CUL4A: variants seen among roughly 807,000 people sequenced by gnomAD.
The protein encoded by CUL4A is cullin-4A.
In CUL4A, 16 loss-of-function variants were observed where a neutral mutation model predicts 95.5. The observed-to-expected ratio is 0.17, with a 90% CI of 0.11 to 0.25. The LOEUF (loss-of-function observed/expected upper bound fraction) is 0.25. Ranked by LOEUF, CUL4A falls within the 10% of genes least tolerant of loss-of-function variation. The probability of loss-of-function intolerance (pLI) is 1.00; values close to 1 mark genes in which losing one functional copy is unlikely to be tolerated. For synonymous variants in CUL4A, 380 were observed against 353.1 expected (o/e 1.08, Z -0.85); for missense variants, 610 against 937.0 (o/e 0.65, Z 4.56).
At chr13:113,228,709 T>C (rs1305450766) in intron 4 of CUL4A, among the ~76,000 whole-genome samples, 1 of 151,758 alleles carries the variant, frequency 6.6e-6, no homozygotes, top group Non-Finnish European at 1.5e-5. Context: ...CTCACTCTGC[T>C]CGCAACGCAG....
At chr13:113,258,836 G>T (rs1415200388) in intron 18 of CUL4A, among the ~76,000 whole-genome samples, 1 of 152,154 alleles carries the variant, frequency 6.6e-6, no homozygotes, top group African/African-American at 2.4e-5. Context: ...CTGAAAGAAG[G>T]CCTCTGGCTG....
At chr13:113,244,714 G>T (rs573295272) in intron 12 of CUL4A, among the ~76,000 whole-genome samples, 200 bp downstream of exon 12, 1 of 152,198 alleles carries the variant, frequency 6.6e-6, no homozygotes, top group East Asian at 1.9e-4. Context: ...GGTGGCAGGC[G>T]CCTGTAGTCC....
rs747031396 is a variant in CUL4A, at chr13:113,239,563, G to A, written c.1035+12G>A. On this transcript the variant is annotated intron_variant, in intron 10 of 19. Coordinates refer to ENST00000375440, the MANE Select transcript of CUL4A (RefSeq NM_001008895.4). Reference sequence around the variant, plus strand: ...GCGAGTACATCAAGGTACTGGCGGGGTTTTGAGGCCGCGGGCGTGGGCATT... The same window carrying A: ...GCGAGTACATCAAGGTACTGGCGGGATTTTGAGGCCGCGGGCGTGGGCATT... 11 of 1,596,280 alleles carry A rather than the reference G, an allele frequency of 6.9e-6. No homozygotes were observed. Among genetic ancestry groups the A allele is most frequent in the Non-Finnish European group, 2.6e-6 (3 of 1,168,032 alleles).
intron 2 of CUL4A, among the ~76,000 whole-genome samples, chr13:113,211,585 A>T (rs1415347102): frequency 6.6e-6 from 1 of 152,070 alleles, no homozygotes; most frequent in African/African-American, 2.4e-5. Context: ...GGGTTTCGCC[A>T]TGTTGGGCAG....
chr13:113,235,037 A>G, intron 7 of CUL4A, 26 bp from the exon 8 acceptor site: 1 of 1,478,436 alleles, frequency 6.8e-7, no homozygotes, highest in Non-Finnish European at 9.4e-7. Flanking sequence ...TTTGTTACTG[A>G]TACATTTAAT....
chr13:113,233,892 C>T lies in CUL4A; in HGVS notation c.676-5C>T, dbSNP rs753888995. On this transcript the variant is annotated splice_region_variant and splice_polypyrimidine_tract_variant and intron_variant, in intron 6 of 19. Coordinates refer to ENST00000375440, the MANE Select transcript of CUL4A (RefSeq NM_001008895.4). Reference sequence around the variant, plus strand: ...AATTGGTCAGTAACTCTGCTTGTTTCTTAGGTGTATAAAGATTCATTTGAA... The same window carrying T: ...AATTGGTCAGTAACTCTGCTTGTTTTTTAGGTGTATAAAGATTCATTTGAA... 6.6e-7 allele frequency: 1 copy of T among 1,508,690 alleles called. No individual in the cohort carries two copies. The highest frequency in any genetic ancestry group is 2.3e-5 in the East Asian group (1 of 44,248). The allele number at this position is 1,508,690 out of a possible 1,614,324, so 93.5% of individuals were successfully genotyped here.
In CUL4A at chr13:113,233,239, C is replaced by G; in HGVS notation, c.575C>G (p.Thr192Ser). 1 of 1,614,062 alleles carries G rather than the reference C, an allele frequency of 6.2e-7. No individual in the cohort carries two copies. The change falls in exon 6 of 20, where the codon ACC becomes AGC. Residue 192 changes from threonine (T) to serine (S), a missense_variant. Thr to Ser is a moderately conservative substitution (Grantham distance 58). Coordinates refer to ENST00000375440, the MANE Select transcript of CUL4A (RefSeq NM_001008895.4). The part of the protein sequence containing the change: ...IISDKMVQSK[T>S]IDGILLLIER... ...AGTGATAAAATGGTTCAGAGTAAAACCATTGATGGAATCCTACTGCTGATC... is the reference window on the plus strand; with the variant it reads ...AGTGATAAAATGGTTCAGAGTAAAAGCATTGATGGAATCCTACTGCTGATC...
chr13:113,266,892 T>C lies in CUL4A; in HGVS notation c.*3310T>C, dbSNP rs2042404816. On this transcript the variant is annotated 3_prime_UTR_variant, in exon 20 of 20. Coordinates refer to ENST00000375440, the MANE Select transcript of CUL4A (RefSeq NM_001008895.4). ...TGTAAATTGACTATTATTGTATAAA[T>C]TTATAGAGTATAAAGTGATCTTATA... 6.6e-6 allele frequency: 1 copy of C among 152,210 alleles called. No individual in the cohort carries two copies. Among genetic ancestry groups the C allele is most frequent in the Non-Finnish European group, 1.5e-5 (1 of 68,046 alleles). 9.4% of individuals were successfully genotyped at this position (152,210 alleles called of 1,614,324 possible). A position where few individuals can be genotyped will look rare whatever the true frequency, so the allele number is the denominator to read the frequency against.
In CUL4A at chr13:113,243,048, G is replaced by A. The variant is rs1431667438; in HGVS notation, c.1116G>A (p.Val372=). 8 of 1,614,038 alleles carry A rather than the reference G, an allele frequency of 5.0e-6. No homozygotes were observed. Among genetic ancestry groups the A allele is most frequent in the Non-Finnish European group, 5.1e-6 (6 of 1,179,904 alleles). The change falls in exon 11 of 20, where the codon GTG becomes GTA. Residue 372 remains valine (V), a synonymous_variant. Transcript: ENST00000375440. ...ACCTGTTGGACTTCAAGGACAAGGT[G>A]GACCACGTGATCGAGGTCTGCTTCC... ...VQDLLDFKDK[V]DHVIEVCFQK...
At chr13:113,253,435 A>G (rs973100658) in intron 16 of CUL4A, among the ~76,000 whole-genome samples, 3 of 152,234 alleles carry the variant, frequency 2.0e-5, no homozygotes, top group African/African-American at 7.2e-5. Flanking sequence ...GTGAAGAGGC[A>G]ACTCATAAAA....
chr13:113,213,560 ACTC>A (rs1258166646), intron 2 of CUL4A, among the ~76,000 whole-genome samples: 1 of 151,718 alleles, frequency 6.6e-6, no homozygotes, highest in Non-Finnish European at 1.5e-5. Context: ...GCTTCTTACT[ACTC>A]TTTTCCTGGA....
At chr13:113,214,698 G>A (rs1329669252) in intron 2 of CUL4A, among the ~76,000 whole-genome samples, 2 of 152,132 alleles carry the variant, frequency 1.3e-5, no homozygotes, top group East Asian at 1.9e-4. Context: ...CTTGAGTCAC[G>A]GAGTAGTTGT....
intron 2 of CUL4A, among the ~76,000 whole-genome samples, chr13:113,212,868 CT>C (rs2040502500): frequency 6.6e-6 from 1 of 152,202 alleles, no homozygotes. Context: ...ACTGAATTGC[CT>C]TTGCTCCTTT....
chr13:113,233,736 G>A (rs112004391), intron 6 of CUL4A, among the ~76,000 whole-genome samples, 161 bp from the exon 7 acceptor site: 6 of 152,308 alleles, frequency 3.9e-5, no homozygotes, highest in South Asian at 2.1e-4. Flanking sequence ...GGGCCTGCCC[G>A]GCCGTTTTGG....
chr13:113,240,604 A>T (rs1489025841), intron 10 of CUL4A, among the ~76,000 whole-genome samples: 1 of 152,216 alleles, frequency 6.6e-6, no homozygotes, highest in Non-Finnish European at 1.5e-5. Context: ...ACTAAGAGGA[A>T]AAAAAGAAAA....
chr13:113,212,236 T>C (rs2040476393), intron 2 of CUL4A, among the ~76,000 whole-genome samples: 1 of 152,260 alleles, frequency 6.6e-6, no homozygotes, highest in Non-Finnish European at 1.5e-5. Flanking sequence ...GCAAATACTT[T>C]CTGCCTAGTC....
chr13:113,235,255 G>GC, intron 8 of CUL4A, 110 bp downstream of exon 8: 2 of 709,586 alleles, frequency 2.8e-6, no homozygotes, highest in Non-Finnish European at 4.8e-6. Context: ...AGTACTAAGA[G>GC]TGTTTTTGCA....
At chr13:113,232,647 T>C (rs1421046411) in intron 5 of CUL4A, among the ~76,000 whole-genome samples, 1 of 152,168 alleles carries the variant, frequency 6.6e-6, no homozygotes, top group Non-Finnish European at 1.5e-5. Context: ...AGGACTGCGA[T>C]GAACTCTGAA....
At chr13:113,222,333 T>C (rs2040928725) in intron 3 of CUL4A, among the ~76,000 whole-genome samples, 1 of 152,080 alleles carries the variant, frequency 6.6e-6, no homozygotes, top group Non-Finnish European at 1.5e-5. Context: ...CCACAATGGT[T>C]TGACTGGGCA....
Sources: allele counts gnomAD v4.1 joint callset (sites outside exome capture counted in the v4.1 genomes callset), GRCh38; gene constraint gnomAD v4.1.1; transcripts MANE v1.5; gene names NCBI Gene and HGNC (gene_info 2026-07-23, HGNC 2026-07-21).